The following CCT8 variants were observed in gnomAD, a reference collection of about 807,000 sequenced individuals.
CCT8 encodes T-complex protein 1 subunit theta.
CCT8 carries 10 observed loss-of-function variants against 65.7 expected under a neutral mutation model. The observed-to-expected ratio is 0.15, with a 90% CI of 0.09 to 0.26. The LOEUF is 0.26. CCT8 is among the 10% of genes least tolerant of loss of function. The probability of loss-of-function intolerance (pLI) is 1.00; values close to 1 mark genes in which losing one functional copy is unlikely to be tolerated. For missense variants in CCT8, 568 were observed against 669.1 expected (o/e 0.85, Z 1.67); for synonymous variants, 199 against 221.8 (o/e 0.90, Z 0.92).
At chr21:29,071,907 G>GC (rs1258648257) in intron 1 of CCT8, 1 of 700,124 alleles carries the variant, frequency 1.4e-6, no homozygotes, top group African/African-American at 1.8e-5. Context: ...AGGAAACAAG[G>GC]CCCTACGTAT....
At chr21:29,070,196 G>T in intron 2 of CCT8, 51 bp downstream of exon 2, 1 of 1,142,590 alleles carries the variant, frequency 8.8e-7, no homozygotes, top group Non-Finnish European at 1.3e-6. Flanking sequence ...AGAAGACGTA[G>T]TACACAATAT....
intron 14 of CCT8, among the ~76,000 whole-genome samples, chr21:29,058,520 CAG>C (rs1385808436): frequency 6.6e-6 from 1 of 151,956 alleles, no homozygotes; most frequent in African/African-American, 2.4e-5. Context: ...CTCATTAAAA[CAG>C]ACTGCTAGGC....
chr21:29,071,933 G>A, intron 1 of CCT8: 1 of 702,216 alleles, frequency 1.4e-6, no homozygotes, highest in Non-Finnish European at 2.6e-6. Flanking sequence ...CCCTTGTATG[G>A]CTCCTCCTCT....
intron 8 of CCT8, chr21:29,062,857 C>T (rs1006150600): frequency 7.3e-6 from 3 of 408,404 alleles, no homozygotes; most frequent in Non-Finnish European, 1.3e-5. Flanking sequence ...TCTAAAACAC[C>T]AGAGAAACCC....
At chr21:29,066,170 T>A (rs915659451) in intron 6 of CCT8, among the ~76,000 whole-genome samples, 6 of 152,110 alleles carry the variant, frequency 3.9e-5, no homozygotes, top group Non-Finnish European at 8.8e-5. Context: ...TATAAGGAGA[T>A]AATATGTCAA....
chr21:29,067,969 A>G (rs760003595), intron 3 of CCT8, among the ~76,000 whole-genome samples: 3 of 151,414 alleles, frequency 2.0e-5, no homozygotes, highest in South Asian at 2.1e-4. Context: ...AGTGCCACAC[A>G]TATGTTTCAC....
In CCT8 at chr21:29,063,534, G is replaced by A. The variant is rs769794366; in HGVS notation, c.763-4C>T. Reference sequence around the variant, plus strand: ...CAGTCTTTATCAACACTGTTCCCTGGCAAAACAAGTAAACATTCCCTTTAA... The same window carrying A: ...CAGTCTTTATCAACACTGTTCCCTGACAAAACAAGTAAACATTCCCTTTAA... On this transcript the variant is annotated splice_polypyrimidine_tract_variant and splice_region_variant and intron_variant, in intron 7 of 14. Transcript: ENST00000286788. 10 of 1,611,712 alleles carry A rather than the reference G, an allele frequency of 6.2e-6. No homozygotes were observed. Among genetic ancestry groups the A allele is most frequent in the African/African-American group, 2.7e-5 (2 of 74,852 alleles).
rs918831951 is a variant in CCT8 at position 29,062,049 on chromosome 21, A to G, written c.1212+79T>C. On this transcript the variant is annotated intron_variant, in intron 11 of 14. Coordinates refer to ENST00000286788, the MANE Select transcript of CCT8 (RefSeq NM_006585.4). ...CATTCTGAAGTTCTCATGATGTGCA[A>G]GAGTCTGCAAACTGTACTTTTAAGA... is the stretch of plus-strand genomic sequence containing the variant. 7.6e-6 allele frequency: 7 copies of G among 926,202 alleles called. No individual in the cohort carries two copies. In the African/African-American group the frequency reaches 8.3e-5, roughly 11 times the overall value. The allele number at this position is 926,202 out of a possible 1,614,324, so 57.4% of individuals were successfully genotyped here.
intron 8 of CCT8, 36 bp downstream of exon 8, chr21:29,063,316 T>C (rs550109441): frequency 3.2e-6 from 5 of 1,552,492 alleles, no homozygotes; most frequent in South Asian, 2.2e-5. Context: ...AAACCATTTA[T>C]GATATAGGTA....
At chr21:29,059,852 AG>A (rs1322688768) in intron 14 of CCT8, 1 of 152,206 alleles carries the variant, frequency 6.6e-6, no homozygotes, top group Non-Finnish European at 1.5e-5. Flanking sequence ...ATTTCTACTT[AG>A]GACTTACTCC....
chr21:29,059,267 T>C (rs2085537213), intron 14 of CCT8, among the ~76,000 whole-genome samples: 2 of 152,258 alleles, frequency 1.3e-5, no homozygotes, highest in Non-Finnish European at 2.9e-5. Flanking sequence ...CATTATACTA[T>C]ACACTATATA....
chr21:29,072,874 G>A (rs912518993), intron 1 of CCT8, among the ~76,000 whole-genome samples: 2 of 152,190 alleles, frequency 1.3e-5, no homozygotes, highest in African/African-American at 4.8e-5. Flanking sequence ...AGATTACACA[G>A]AACTCAAAGA....
In CCT8 at chr21:29,068,451, T is replaced by C. The variant is rs148470195; in HGVS notation, c.232-746A>G. On this transcript the variant is annotated intron_variant, in intron 3 of 14. Coordinates refer to ENST00000286788, the MANE Select transcript of CCT8 (RefSeq NM_006585.4). The stretch of plus-strand genomic sequence containing the variant: ...CTTAAGTTCTTTAAGAATTTATATA[T>C]ATAATATGTATTTTTTTTTCTTTTT... Among the ~76,000 whole-genome samples, 168 of 152,136 alleles carry C rather than the reference T, an allele frequency of 1.1e-3. 1 individual carries two copies. Among genetic ancestry groups the C allele is most frequent in the Non-Finnish European group, 1.0e-4 (7 of 67,990 alleles).
chr21:29,056,553 C>A lies in CCT8; in HGVS notation c.1570-1G>T. 1 of 1,552,502 alleles carries A rather than the reference C, an allele frequency of 6.4e-7. No homozygotes were observed. Among genetic ancestry groups the A allele is most frequent in the Non-Finnish European group, 8.7e-7 (1 of 1,149,064 alleles). ...CACCAGCTGGTTTTGCCATGATGAT[C>A]TGCATAAAAAAGAATCACACAAGAG... On this transcript the variant is annotated splice_acceptor_variant, in intron 14 of 14. Coordinates refer to ENST00000286788, the MANE Select transcript of CCT8 (RefSeq NM_006585.4). LOFTEE classifies it high-confidence loss of function.
intron 1 of CCT8, chr21:29,071,814 T>C (rs781406406): frequency 6.5e-6 from 4 of 610,984 alleles, no homozygotes; most frequent in Non-Finnish European, 1.2e-5. Flanking sequence ...AAACTACCAT[T>C]TGATCAGATC....
At chr21:29,063,667 C>A in intron 7 of CCT8, 137 bp from the exon 8 acceptor site, 1 of 752,948 alleles carries the variant, frequency 1.3e-6, no homozygotes, top group Non-Finnish European at 2.1e-6. Flanking sequence ...TATGAAGCAG[C>A]AGAATACTGT....
At chr21:29,060,411 A>G in intron 14 of CCT8, 130 bp downstream of exon 14, 1 of 852,684 alleles carries the variant, frequency 1.2e-6, no homozygotes, top group Non-Finnish European at 1.8e-6. Context: ...GGGGGCACAT[A>G]GTATCTCTAA....
At chr21:29,057,650 A>T (rs115106587) in intron 14 of CCT8, among the ~76,000 whole-genome samples, 2 of 116,406 alleles carry the variant, frequency 1.7e-5, no homozygotes, top group African/African-American at 5.4e-5. Flanking sequence ...ACATTTGATA[A>T]TATATATATG....
In CCT8 at chr21:29,063,573, C is replaced by T. The variant is rs114750673; in HGVS notation, c.763-43G>A. 2,616 of 1,583,972 alleles carry T rather than the reference C, an allele frequency of 1.7e-3. 36 individuals carry two copies. The African/African-American group carries it at 0.031, about 19-fold the overall frequency. On this transcript the variant is annotated intron_variant, in intron 7 of 14. Coordinates refer to ENST00000286788, the MANE Select transcript of CCT8 (RefSeq NM_006585.4). ...CATTCCCTTTAAAATCATTTCACTA[C>T]GTTGGTGTTCAAAGTCATTAGATAA...
Sources: gnomAD v4.1 joint callset for allele counts (sites outside exome capture counted in the v4.1 genomes callset) on GRCh38, gnomAD v4.1.1 for gene constraint, MANE v1.5 for transcripts, NCBI Gene and HGNC (gene_info 2026-07-23, HGNC 2026-07-21) for gene names.